POU2AF1: variants seen among roughly 807,000 people sequenced by gnomAD.
POU2AF1 encodes the protein POU domain class 2-associating factor 1.
In POU2AF1, 12 loss-of-function variants were observed where a neutral mutation model predicts 26.3. The observed-to-expected ratio is 0.46, with a 90% CI of 0.29 to 0.74. The LOEUF (loss-of-function observed/expected upper bound fraction) is 0.74. POU2AF1 is among the 30% of genes least tolerant of loss of function. The pLI, the probability that POU2AF1 is intolerant of heterozygous loss-of-function variation, is 0.09. For missense variants in POU2AF1, 297 were observed against 334.5 expected (o/e 0.89, Z 0.87); for synonymous variants, 175 against 148.0 (o/e 1.18, Z -1.32).
rs550972374 is a variant in POU2AF1 at position 111,375,601 on chromosome 11, A to G, written c.16+3561T>C. Among the ~76,000 whole-genome samples the G allele has an allele frequency of 4.5e-4, 68 of 151,954 alleles. 1 individual carries two copies. In the East Asian group the frequency reaches 7.7e-3, roughly 17 times the overall value. ...TTTTTAGTAGAGACGGGGTTTCACC[A>G]TGTTAGCCAGGATGGTCTCGATCTC... On this transcript the variant is annotated intron_variant, in intron 1 of 4. Coordinates refer to ENST00000393067, the MANE Select transcript of POU2AF1 (RefSeq NM_006235.3).
At position 111,357,964 on chromosome 11, in the gene POU2AF1, A is replaced by G. The variant is rs1860885213; in HGVS notation, c.148-127T>C. On this transcript the variant is annotated intron_variant, in intron 2 of 4. Transcript: ENST00000393067. ...TAGGAATCTCTCTGGTTAGAACAAAACATCCCACCCCGTATCCCAACCATC... is the reference window on the plus strand; with the variant it reads ...TAGGAATCTCTCTGGTTAGAACAAAGCATCCCACCCCGTATCCCAACCATC... The G allele has an allele frequency of 2.9e-6, 3 of 1,044,322 alleles. No homozygotes were observed. The East Asian group carries it at 8.0e-5, about 28-fold the overall frequency. The allele number at this position is 1,044,322 out of a possible 1,614,324, so 64.7% of individuals were successfully genotyped here. A position where few individuals can be genotyped will look rare whatever the true frequency, so the allele number is the denominator to read the frequency against.
At chr11:111,370,620 C>A (rs138092774) in intron 1 of POU2AF1, among the ~76,000 whole-genome samples, 1 of 152,046 alleles carries the variant, frequency 6.6e-6, no homozygotes, top group African/African-American at 2.4e-5. Flanking sequence ...CCCCCAAAAC[C>A]GCACGATTTT....
chr11:111,362,163 T>C (rs914336284), intron 1 of POU2AF1, among the ~76,000 whole-genome samples: 3 of 152,158 alleles, frequency 2.0e-5, no homozygotes, highest in Non-Finnish European at 4.4e-5. Flanking sequence ...ACGTCAGCAT[T>C]TTTGGTTTTA....
intron 2 of POU2AF1, among the ~76,000 whole-genome samples, chr11:111,358,275 C>T (rs559871057): frequency 1.1e-4 from 16 of 152,202 alleles, no homozygotes; most frequent in South Asian, 4.2e-4. Context: ...CATCTGCCTG[C>T]GCGCACACAC....
Position 111,364,614 on chromosome 11 carries a change from C to T in POU2AF1, c.17-5696G>A, listed in dbSNP as rs74508663. Among the ~76,000 whole-genome samples the T allele has an allele frequency of 5.0e-3, 762 of 152,352 alleles. 11 individuals are homozygous for T. Among genetic ancestry groups the T allele is most frequent in the African/African-American group, 0.017 (722 of 41,586 alleles). On this transcript the variant is annotated intron_variant, in intron 1 of 4. Coordinates refer to ENST00000393067, the MANE Select transcript of POU2AF1 (RefSeq NM_006235.3). ...TCCAAGGCACCCTTGAGAGAAGGTC[C>T]TTCTCCCAGCCATTGTCCTCTTGTG...
intron 1 of POU2AF1, chr11:111,362,881 C>G (rs1861037693): frequency 1.3e-5 from 2 of 152,908 alleles, no homozygotes. Flanking sequence ...TCAGCCCCCT[C>G]TTGTTTGCAT....
intron 1 of POU2AF1, among the ~76,000 whole-genome samples, chr11:111,374,171 A>C (rs1397266960): frequency 7.3e-6 from 1 of 136,992 alleles, no homozygotes; most frequent in Non-Finnish European, 1.5e-5. Context: ...CCAAGTGTGA[A>C]TTGGGAGAGA....
intron 1 of POU2AF1, among the ~76,000 whole-genome samples, chr11:111,378,885 T>C (rs569673187): frequency 6.6e-6 from 1 of 152,334 alleles, no homozygotes; most frequent in Admixed American, 6.5e-5. Context: ...CAGTGATTCA[T>C]GCACAGAAGC....
At chr11:111,367,978 A>G (rs1456447063) in intron 1 of POU2AF1, among the ~76,000 whole-genome samples, 1 of 152,200 alleles carries the variant, frequency 6.6e-6, no homozygotes, top group Non-Finnish European at 1.5e-5. Context: ...AGGGTAGGGG[A>G]CAAGACCAAG....
At chr11:111,376,041 A>G (rs544259808) in intron 1 of POU2AF1, among the ~76,000 whole-genome samples, 2 of 152,312 alleles carry the variant, frequency 1.3e-5, no homozygotes, top group African/African-American at 4.8e-5. Flanking sequence ...TAACTATTCT[A>G]ATCAAAGTGT....
rs751418150 is a variant in POU2AF1, at chr11:111,358,667, CACAA to C, written c.147+117_147+120del. Reference sequence around the variant, plus strand: ...TCACACTCTCACACACTCTATCACACACAAACACATACACACACGCATACACATA... The same window carrying C: ...TCACACTCTCACACACTCTATCACACACACATACACACACGCATACACATA... On this transcript the variant is annotated intron_variant, in intron 2 of 4. Coordinates refer to ENST00000393067, the MANE Select transcript of POU2AF1 (RefSeq NM_006235.3). 1.8e-4 allele frequency: 218 copies of C among 1,245,090 alleles called. 1 individual carries two copies. The highest frequency in any genetic ancestry group is 4.3e-4 in the Admixed American group (21 of 48,790). The allele number at this position is 1,245,090 out of a possible 1,614,324, so 77.1% of individuals were successfully genotyped here.
At chr11:111,369,243 G>A (rs944479661) in intron 1 of POU2AF1, among the ~76,000 whole-genome samples, 3 of 152,206 alleles carry the variant, frequency 2.0e-5, no homozygotes, top group Admixed American at 6.5e-5. Flanking sequence ...ATAAAGATAC[G>A]ATGAGCTGAG....
intron 1 of POU2AF1, among the ~76,000 whole-genome samples, chr11:111,372,057 C>CAGAGAGAGAG (rs1268779151): frequency 2.8e-5 from 4 of 143,172 alleles, no homozygotes; most frequent in African/African-American, 1.1e-4. Flanking sequence ...CACACACACA[C>CAGAGAGAGAG]ACACACACAC....
At chr11:111,360,328 C>T (rs1006799180) in intron 1 of POU2AF1, among the ~76,000 whole-genome samples, 9 of 152,188 alleles carry the variant, frequency 5.9e-5, no homozygotes, top group East Asian at 1.9e-4. Flanking sequence ...CTGTTAAACC[C>T]GGATCTGCAG....
intron 1 of POU2AF1, among the ~76,000 whole-genome samples, chr11:111,372,684 G>A (rs1461605468): frequency 1.3e-5 from 2 of 152,192 alleles, no homozygotes; most frequent in African/African-American, 2.4e-5. Context: ...TGCACTCAAA[G>A]CATAGTGAAG....
chr11:111,360,985 A>ATG (rs1318715757), intron 1 of POU2AF1, among the ~76,000 whole-genome samples: 2 of 152,088 alleles, frequency 1.3e-5, no homozygotes, highest in Non-Finnish European at 2.9e-5. Flanking sequence ...CTGAAAATAT[A>ATG]CTGGGATTAC....
At position 111,358,696 on chromosome 11, in the gene POU2AF1, A is replaced by ACT. The variant is rs71057061; in HGVS notation, c.147+90_147+91dup. On this transcript the variant is annotated intron_variant, in intron 2 of 4. Transcript: ENST00000393067. ...AACACATACACACACGCATACACAT[A>ACT]CTCACACACACATACACTCTCACAC... 989,081 of 1,397,740 alleles carry ACT rather than the reference A, an allele frequency of 0.71. 359,529 individuals carry two copies. Among genetic ancestry groups the ACT allele is most frequent in the Admixed American group, 0.8 (40,554 of 50,454 alleles). 86.6% of individuals were successfully genotyped at this position (1,397,740 alleles called of 1,614,324 possible). A position where few individuals can be genotyped will look rare whatever the true frequency, so the allele number is the denominator to read the frequency against.
chr11:111,358,278 GCA>G (rs1565360383), intron 2 of POU2AF1, among the ~76,000 whole-genome samples: 2 of 149,340 alleles, frequency 1.3e-5, no homozygotes, highest in Admixed American at 1.3e-4. Flanking sequence ...CTGCCTGCGC[GCA>G]CACACATTCT....
intron 1 of POU2AF1, among the ~76,000 whole-genome samples, chr11:111,362,814 G>A (rs1861036155): frequency 6.6e-6 from 1 of 152,194 alleles, no homozygotes; most frequent in African/African-American, 2.4e-5. Flanking sequence ...TGAGGAACAA[G>A]AAGGGCTCAA....
Sources: allele counts gnomAD v4.1 joint callset (sites outside exome capture counted in the v4.1 genomes callset), GRCh38; gene constraint gnomAD v4.1.1; transcripts MANE v1.5; gene names NCBI Gene and HGNC (gene_info 2026-07-23, HGNC 2026-07-21).